PYHIN1: variants seen among roughly 807,000 people sequenced by gnomAD.
PYHIN1 encodes the protein pyrin and HIN domain family member 1, also known as pyrin and HIN domain-containing protein 1.
In PYHIN1, 32 loss-of-function variants were observed where a neutral mutation model predicts 43.7. The ratio of observed to expected loss-of-function variants is 0.73; its 90% CI spans 0.55 to 0.98. The LOEUF is 0.98. Among genes scored for constraint, PYHIN1 ranks in the 50% least tolerant of loss-of-function variants. PYHIN1 has a pLI of 0.00. For missense variants in PYHIN1, 588 were observed against 589.5 expected (o/e 1.00, Z 0.03); for synonymous variants, 205 against 203.1 (o/e 1.01, Z -0.08).
rs981359857 is a variant in PYHIN1 at position 158,944,892 on chromosome 1, C to A, written c.1209C>A (p.Asn403Lys). ...HSFIQIQKNT[N>K]QRSHDSRSMA... is the part of the protein sequence containing the mutation. ...ACTTTCAGATACAGAAAAATACAAA[C>A]CAGAGAAGCCATGACTCCAGGAGCA... Residue 403 changes from asparagine to lysine, a missense_variant, in exon 7 of 9, where the codon AAC becomes AAA. Coordinates refer to ENST00000368140, the MANE Select transcript of PYHIN1 (RefSeq NM_152501.5). 3.2e-6 allele frequency: 5 copies of A among 1,579,994 alleles called. No individual in the cohort carries two copies. The highest frequency in any genetic ancestry group is 4.3e-6 in the Non-Finnish European group (5 of 1,165,380).
At position 158,933,695 on chromosome 1, in the gene PYHIN1, C is replaced by T. The variant is rs911725033; in HGVS notation, c.-21+1919C>T. 6.6e-6 allele frequency among the ~76,000 whole-genome samples: 1 copy of T among 151,982 alleles called. No homozygotes were observed. The highest frequency in any genetic ancestry group is 1.5e-5 in the Non-Finnish European group (1 of 67,920). On this transcript the variant is annotated intron_variant, in intron 1 of 8. Coordinates refer to ENST00000368140, the MANE Select transcript of PYHIN1 (RefSeq NM_152501.5). This position sits in a 1 kb window ranked among gnomAD's most constrained non-coding sequence, Gnocchi z 6.3. The stretch of plus-strand genomic sequence containing the variant: ...AACACTTCTATATTCTCCTACTTGT[C>T]TGTTTTTAAAACTTATATTTCCATC...
rs190135728 is a variant in PYHIN1 at position 158,933,652 on chromosome 1, A to T, written c.-21+1876A>T. On this transcript the variant is annotated intron_variant, in intron 1 of 8. Transcript: ENST00000368140. This position sits in a 1 kb window ranked among gnomAD's most constrained non-coding sequence, Gnocchi z 6.3. ...TAACATATTTTGGCCTGCTTCTGCTATCTTCACTTCAATTTATAACACTTC... is the reference window on the plus strand; with the variant it reads ...TAACATATTTTGGCCTGCTTCTGCTTTCTTCACTTCAATTTATAACACTTC... 6.6e-6 allele frequency among the ~76,000 whole-genome samples: 1 copy of T among 151,896 alleles called. No individual in the cohort carries two copies. The highest frequency in any genetic ancestry group is 1.5e-5 in the Non-Finnish European group (1 of 67,912).
At chr1:158,957,381 A>G (rs146250159) in intron 7 of PYHIN1, among the ~76,000 whole-genome samples, 3,251 of 152,300 alleles carry the variant, frequency 0.021, 49 homozygotes, top group Non-Finnish European at 0.034. Context: ...TAACCAAAAC[A>G]ACATGGTACT....
intron 1 of PYHIN1, among the ~76,000 whole-genome samples, 170 bp from the exon 2 acceptor site, chr1:158,936,721 C>T (rs1488963213): frequency 3.3e-5 from 5 of 152,150 alleles, no homozygotes; most frequent in Admixed American, 1.3e-4. Flanking sequence ...CTATCTATGA[C>T]AAACCCACAG....
In PYHIN1 at chr1:158,939,032, T is replaced by C. The variant is rs369450593; in HGVS notation, c.412-48T>C. 37 of 1,413,430 alleles carry C rather than the reference T, an allele frequency of 2.6e-5. No homozygotes were observed. The African/African-American group carries it at 5.4e-4, about 21-fold the overall frequency. 87.6% of individuals were successfully genotyped at this position (1,413,430 alleles called of 1,614,324 possible). The stretch of plus-strand genomic sequence containing the variant: ...ACCTTGTAATGAAAATGTGCTCTGC[T>C]TCATTTGACACTGAAAGTAATTAAC... On this transcript the variant is annotated intron_variant, in intron 3 of 8. Coordinates refer to ENST00000368140, the MANE Select transcript of PYHIN1 (RefSeq NM_152501.5).
In PYHIN1 at chr1:158,937,132, A is replaced by G. The variant is rs1648607183; in HGVS notation, c.222A>G (p.Thr74=). The G allele has an allele frequency of 1.2e-6, 2 of 1,607,294 alleles. No individual in the cohort carries two copies. The highest frequency in any genetic ancestry group is 1.1e-5 in the South Asian group (1 of 89,600). The change falls in exon 2 of 9, where the codon ACA becomes ACG. Residue 74 remains threonine (T), a synonymous_variant. Coordinates refer to ENST00000368140, the MANE Select transcript of PYHIN1 (RefSeq NM_152501.5). ...KLIEFFKEIP[T]LGDLAETLKR... is the part of the protein sequence containing the mutation. ...TAGAATTCTTCAAAGAAATACCAACACTGGGAGACCTTGCTGAAACTCTTA... is the reference window on the plus strand; with the variant it reads ...TAGAATTCTTCAAAGAAATACCAACGCTGGGAGACCTTGCTGAAACTCTTA...
chr1:158,989,722 A>T, the PYHIN1 span, among the ~76,000 whole-genome samples: 2 of 152,188 alleles, frequency 1.3e-5, no homozygotes, highest in African/African-American at 4.8e-5. Flanking sequence ...CTCAGGCTTA[A>T]TTCCTCCAGA....
chr1:158,939,462 T>C, intron 4 of PYHIN1: 4 of 1,551,554 alleles, frequency 2.6e-6, no homozygotes, highest in Admixed American at 2.0e-5. Context: ...CCTGTGCTGT[T>C]TGGGGAAGAG....
At chr1:158,965,899 A>G (rs186086242) in intron 7 of PYHIN1, among the ~76,000 whole-genome samples, 13 of 152,104 alleles carry the variant, frequency 8.5e-5, no homozygotes, top group Non-Finnish European at 1.6e-4. Context: ...GAGCTAAACT[A>G]AAAGAAATTG....
intron 8 of PYHIN1, among the ~76,000 whole-genome samples, chr1:158,975,234 ACTGT>A (rs1651187426): frequency 4.7e-5 from 1 of 21,328 alleles, no homozygotes; most frequent in East Asian, 0.042. Context: ...TCCCAATAAT[ACTGT>A]GTTTGTATTA....
At chr1:158,988,245 T>C in the PYHIN1 span, among the ~76,000 whole-genome samples, 1 of 152,150 alleles carries the variant, frequency 6.6e-6, no homozygotes, top group Non-Finnish European at 1.5e-5. Flanking sequence ...TTGTAACAAA[T>C]ACTTAAAAAT....
At chr1:158,950,115 G>A (rs1168650392) in intron 7 of PYHIN1, among the ~76,000 whole-genome samples, 1 of 152,172 alleles carries the variant, frequency 6.6e-6, no homozygotes, top group Non-Finnish European at 1.5e-5. Flanking sequence ...GGCTGGAAAG[G>A]GAGTGTCTGC....
rs142194663 is a variant in PYHIN1, at chr1:158,973,747, G to A, written c.1460G>A (p.Arg487His). ...CTTTCTTCTGACACTTCCACCAACC[G>A]CCATCCAGCAGTTCCTTAAATAAGG... The part of the protein sequence containing the change: ...PPLSSDTSTN[R>H]HPAVP Residue 487 changes from arginine to histidine, a missense_variant, in exon 8 of 9, where the codon CGC becomes CAC. By Grantham distance (29) the Arg-to-His change is conservative. Transcript: ENST00000368140. 2.4e-5 allele frequency: 38 copies of A among 1,612,660 alleles called. No individual in the cohort carries two copies. The Admixed American group carries it at 2.7e-4, about 11-fold the overall frequency.
intron 7 of PYHIN1, among the ~76,000 whole-genome samples, chr1:158,957,889 G>T (rs1265683927): frequency 6.6e-6 from 1 of 150,510 alleles, no homozygotes; most frequent in Non-Finnish European, 1.5e-5. Context: ...AATCTACAAT[G>T]AACTCAAACA....
At chr1:158,934,110 G>A (rs146670552) in intron 1 of PYHIN1, among the ~76,000 whole-genome samples, 13 of 151,936 alleles carry the variant, frequency 8.6e-5, no homozygotes, top group Admixed American at 1.3e-4. Flanking sequence ...TGGGGGGCTC[G>A]GTATGTTTTG....
chr1:158,988,008 A>T, the PYHIN1 span, among the ~76,000 whole-genome samples: 1 of 152,214 alleles, frequency 6.6e-6, no homozygotes, highest in East Asian at 1.9e-4. Context: ...TATAAGCCAA[A>T]GAACACTGAA....
chr1:158,984,900 G>A, the PYHIN1 span, among the ~76,000 whole-genome samples: 3 of 151,890 alleles, frequency 2.0e-5, no homozygotes, highest in South Asian at 6.2e-4. Context: ...TTATCATTAT[G>A]TGATGCCCTT....
At chr1:158,944,030 T>C (rs1485948218) in intron 6 of PYHIN1, 52 bp downstream of exon 6, 4 of 1,479,026 alleles carry the variant, frequency 2.7e-6, no homozygotes, top group Non-Finnish European at 3.7e-6. Flanking sequence ...AATCATTTGC[T>C]TTAAGTTTTA....
chr1:158,939,766 T>C, intron 4 of PYHIN1: 1 of 536,150 alleles, frequency 1.9e-6, no homozygotes, highest in South Asian at 2.9e-5. Flanking sequence ...TAGGAACTTC[T>C]TTCTTTTCTA....
Sources: allele counts gnomAD v4.1 joint callset (sites outside exome capture counted in the v4.1 genomes callset), GRCh38; gene constraint gnomAD v4.1.1; non-coding constraint Gnocchi (gnomAD v3.1); transcripts MANE v1.5; gene names NCBI Gene and HGNC (gene_info 2026-07-23, HGNC 2026-07-21).